The following ROCK2 variants were observed in gnomAD, a reference collection of about 807,000 sequenced individuals.
ROCK2 encodes the protein Rho associated coiled-coil containing protein kinase 2.
ROCK2 carries 61 observed loss-of-function variants against 195.1 expected under a neutral mutation model. That is an observed-to-expected ratio of 0.31 (90% CI 0.25 to 0.39). The LOEUF (loss-of-function observed/expected upper bound fraction) is 0.39, where lower values mean the gene tolerates loss of function less well. Ranked by LOEUF, ROCK2 falls within the 10% of genes least tolerant of loss-of-function variation. The pLI is 1.00. For missense variants in ROCK2, 1,109 were observed against 1,637.4 expected (o/e 0.68, Z 5.57); for synonymous variants, 504 against 545.5 (o/e 0.92, Z 1.06).
At chr2:11,207,700 T>G in intron 20 of ROCK2, 26 bp downstream of exon 20, 3 of 1,567,160 alleles carry the variant, frequency 1.9e-6, no homozygotes, top group Non-Finnish European at 2.6e-6. Flanking sequence ...TTATGCATAT[T>G]AAAACATCTC....
chr2:11,269,887 A>T (rs574478998), intron 3 of ROCK2, among the ~76,000 whole-genome samples: 1 of 152,250 alleles, frequency 6.6e-6, no homozygotes, highest in African/African-American at 2.4e-5. Flanking sequence ...AGTAGCTGGG[A>T]CTACAGGCAC....
At chr2:11,296,005 G>GGGGGGAGAGAGAGAGA (rs766082679) in intron 1 of ROCK2, among the ~76,000 whole-genome samples, 4 of 10,340 alleles carry the variant, frequency 3.9e-4, no homozygotes, top group Admixed American at 2.3e-3. Context: ...GAGAGAGAGA[G>GGGGGGAGAGAGAGAGA]GAGAGAGAGA....
intron 4 of ROCK2, among the ~76,000 whole-genome samples, chr2:11,245,240 T>C (rs1224023251): frequency 1.3e-5 from 2 of 149,118 alleles, no homozygotes; most frequent in East Asian, 1.9e-4. Flanking sequence ...AATCATGTAT[T>C]ATTTATAAAA....
intron 3 of ROCK2, among the ~76,000 whole-genome samples, chr2:11,254,229 T>C (rs1665937412): frequency 6.6e-6 from 1 of 152,114 alleles, no homozygotes; most frequent in South Asian, 2.1e-4. Context: ...TCAGGTTTCG[T>C]AAAATAAACA....
intron 1 of ROCK2, among the ~76,000 whole-genome samples, chr2:11,305,776 CTA>C (rs1196979704): frequency 6.6e-6 from 1 of 152,164 alleles, no homozygotes; most frequent in African/African-American, 2.4e-5. Flanking sequence ...TGAGAATAAA[CTA>C]TAGTTATGTA....
chr2:11,241,148 AAAT>A, intron 4 of ROCK2, among the ~76,000 whole-genome samples: 1 of 152,350 alleles, frequency 6.6e-6, no homozygotes, highest in South Asian at 2.1e-4. Flanking sequence ...AAAAGGAATG[AAAT>A]ATTGATATAC....
chr2:11,188,103 A>ATTTTTTTT (rs747304783), intron 32 of ROCK2, among the ~76,000 whole-genome samples: 31 of 112,626 alleles, frequency 2.8e-4, no homozygotes, highest in African/African-American at 4.2e-4. Context: ...CTGGTATATA[A>ATTTTTTTT]TTTTTTTTTT....
At chr2:11,242,470 AGAG>A (rs1169633652) in intron 4 of ROCK2, among the ~76,000 whole-genome samples, 1 of 152,112 alleles carries the variant, frequency 6.6e-6, no homozygotes, top group Non-Finnish European at 1.5e-5. Flanking sequence ...CCCAAGTGAG[AGAG>A]GAGGGACGGG....
At chr2:11,267,285 TAGGTATA>T (rs1666451244) in intron 3 of ROCK2, among the ~76,000 whole-genome samples, 1 of 152,240 alleles carries the variant, frequency 6.6e-6, no homozygotes, top group African/African-American at 2.4e-5. Context: ...TCCCATAAGA[TAGGTATA>T]ATTATCTCTA....
intron 23 of ROCK2, among the ~76,000 whole-genome samples, chr2:11,199,107 G>C (rs1228875978): frequency 2.6e-5 from 4 of 151,760 alleles, no homozygotes; most frequent in Non-Finnish European, 5.9e-5. Context: ...CACTATGTTG[G>C]TCAGGCTGGT....
chr2:11,212,893 A>G (rs1181659446), intron 17 of ROCK2, among the ~76,000 whole-genome samples: 4 of 152,212 alleles, frequency 2.6e-5, no homozygotes, highest in Non-Finnish European at 4.4e-5. Flanking sequence ...CAGTGCAGAC[A>G]TGCTAATTTG....
At position 11,194,277 on chromosome 2, in the gene ROCK2, G is replaced by T; in HGVS notation, c.3587C>A (p.Pro1196His). The T allele has an allele frequency of 1.4e-6, 2 of 1,434,386 alleles. No homozygotes were observed. The highest frequency in any genetic ancestry group is 3.0e-5 in the South Asian group (2 of 67,630). 88.9% of individuals were successfully genotyped at this position (1,434,386 alleles called of 1,614,324 possible). A position where few individuals can be genotyped will look rare whatever the true frequency, so the allele number is the denominator to read the frequency against. The change falls in exon 29 of 33, where the codon CCT (proline) becomes CAT (histidine). Residue 1196 changes from proline to histidine, a missense_variant. This residue lies in a region of ROCK2 where 221 missense variants were observed against 355.1 expected (regional missense o/e 0.62). Coordinates refer to ENST00000315872, the MANE Select transcript of ROCK2 (RefSeq NM_004850.5). ...DSEQDKEQSNPYMVLDIDKLF... is the reference protein window; with the variant it reads ...DSEQDKEQSNHYMVLDIDKLF... The stretch of plus-strand genomic sequence containing the variant: ...TTACTCTATATCTAAAACCATGTAA[G>T]GATTGGATTGTTCTTTATCTTGTTC...
intron 23 of ROCK2, among the ~76,000 whole-genome samples, chr2:11,200,522 A>C (rs192134304): frequency 1.4e-4 from 21 of 152,336 alleles, no homozygotes; most frequent in South Asian, 6.2e-4. Flanking sequence ...TCCACTGAAC[A>C]GGATTGAATA....
chr2:11,185,815 ATGAATCAACT>A (rs1253623781), intron 32 of ROCK2, among the ~76,000 whole-genome samples: 1 of 152,196 alleles, frequency 6.6e-6, no homozygotes, highest in African/African-American at 2.4e-5. Flanking sequence ...TGTGGTGTTC[ATGAATCAACT>A]TGTGCCAAGG....
At chr2:11,299,285 A>AG (rs1667634618) in intron 1 of ROCK2, among the ~76,000 whole-genome samples, 1 of 151,980 alleles carries the variant, frequency 6.6e-6, no homozygotes, top group African/African-American at 2.4e-5. Flanking sequence ...AAAAAAAAAA[A>AG]AAATCACTGG....
intron 20 of ROCK2, 69 bp downstream of exon 20, chr2:11,207,657 C>T: frequency 1.6e-6 from 2 of 1,235,752 alleles, no homozygotes; most frequent in Admixed American, 2.7e-5. Flanking sequence ...AGAAAATCCA[C>T]AGATACACCA....
intron 23 of ROCK2, among the ~76,000 whole-genome samples, chr2:11,200,388 A>G (rs1207599203): frequency 1.3e-5 from 2 of 152,166 alleles, no homozygotes; most frequent in Admixed American, 6.5e-5. Context: ...TTCCATATAA[A>G]AACACAGTTA....
rs966542357 is a variant in ROCK2, at chr2:11,215,655, T to C, written c.1462-10A>G. On this transcript the variant is annotated splice_polypyrimidine_tract_variant and intron_variant, in intron 13 of 32. Coordinates refer to ENST00000315872, the MANE Select transcript of ROCK2 (RefSeq NM_004850.5). ...TTTTCCGTAAGGTAATCTGAAATAA[T>C]GCTTAAAGTTATTATCAAAAAAGTA... 1 of 1,579,582 alleles carries C rather than the reference T, an allele frequency of 6.3e-7. No individual in the cohort carries two copies. Among genetic ancestry groups the C allele is most frequent in the African/African-American group, 1.4e-5 (1 of 72,978 alleles).
At chr2:11,302,325 T>G (rs12476632) in intron 1 of ROCK2, among the ~76,000 whole-genome samples, 44,044 of 151,688 alleles carry the variant, frequency 0.29, 7,415 homozygotes, top group East Asian at 0.54. Context: ...TGTTGTTGTT[T>G]TTTTTTTCTT....
Sources: gnomAD v4.1 joint callset for allele counts (sites outside exome capture counted in the v4.1 genomes callset) on GRCh38, gnomAD v4.1.1 for gene constraint, gnomAD v4.1.1 regional missense constraint, MANE v1.5 for transcripts, NCBI Gene and HGNC (gene_info 2026-07-23, HGNC 2026-07-21) for gene names.